PTPRG: variants seen among roughly 807,000 people sequenced by gnomAD.
PTPRG encodes the protein receptor-type tyrosine-protein phosphatase gamma.
PTPRG carries 102 observed loss-of-function variants against 165.3 expected under a neutral mutation model. The ratio of observed to expected loss-of-function variants is 0.62; its 90% confidence interval spans 0.53 to 0.73. PTPRG has a LOEUF of 0.73. PTPRG is among the 30% of genes least tolerant of loss of function. PTPRG has a pLI of 0.00. For missense variants in PTPRG, 1,866 were observed against 1,861.4 expected (o/e 1.00, Z -0.05); for synonymous variants, 675 against 669.5 (o/e 1.01, Z -0.13).
chr3:62,014,848 A>G (rs1416957074), intron 4 of PTPRG, among the ~76,000 whole-genome samples: 1 of 152,168 alleles, frequency 6.6e-6, no homozygotes, highest in Admixed American at 6.5e-5. Flanking sequence ...GCCCCAGCAT[A>G]TTTTCTGGAT....
chr3:61,732,001 A>G (rs1237548656), intron 1 of PTPRG, among the ~76,000 whole-genome samples: 2 of 151,720 alleles, frequency 1.3e-5, no homozygotes, highest in Non-Finnish European at 2.9e-5. Flanking sequence ...GGGGGAGTTC[A>G]CCATGTTGGC....
chr3:62,153,449 G>A (rs768851858), intron 6 of PTPRG, among the ~76,000 whole-genome samples: 20 of 152,172 alleles, frequency 1.3e-4, no homozygotes, highest in Non-Finnish European at 2.5e-4. Context: ...CAGTTAATTC[G>A]AAGCCCATAC....
chr3:61,838,489 A>C (rs2036533306), intron 2 of PTPRG, among the ~76,000 whole-genome samples: 1 of 152,192 alleles, frequency 6.6e-6, no homozygotes, highest in South Asian at 2.1e-4. Context: ...GAGTGCCCAC[A>C]ATGTGATATT....
chr3:62,256,804 T>C (rs1307174890), intron 16 of PTPRG, among the ~76,000 whole-genome samples: 1 of 152,196 alleles, frequency 6.6e-6, no homozygotes, highest in East Asian at 1.9e-4. Flanking sequence ...TTTGACACCA[T>C]TTAATTATTC....
intron 1 of PTPRG, among the ~76,000 whole-genome samples, chr3:61,594,777 G>A (rs914214027): frequency 6.6e-6 from 1 of 152,084 alleles, no homozygotes. Context: ...TAATAATCTG[G>A]CAGTCCTGCT....
intron 2 of PTPRG, among the ~76,000 whole-genome samples, chr3:61,764,674 G>T (rs1395456987): frequency 6.6e-6 from 1 of 152,120 alleles, no homozygotes; most frequent in Non-Finnish European, 1.5e-5. Flanking sequence ...AGGGAAGCGG[G>T]GGAGATAATA....
chr3:62,042,360 G>T (rs895433021), intron 4 of PTPRG, among the ~76,000 whole-genome samples: 2 of 152,184 alleles, frequency 1.3e-5, no homozygotes, highest in African/African-American at 4.8e-5. Context: ...GTGTCCCAGT[G>T]TCCATATTTT....
chr3:61,888,810 T>A (rs1466216552), intron 2 of PTPRG, among the ~76,000 whole-genome samples: 1 of 152,230 alleles, frequency 6.6e-6, no homozygotes, highest in Non-Finnish European at 1.5e-5. Flanking sequence ...TGTTGTCATG[T>A]CTTTTTAGTC....
chr3:61,854,689 G>A (rs527633533), intron 2 of PTPRG, among the ~76,000 whole-genome samples: 7 of 152,244 alleles, frequency 4.6e-5, no homozygotes, highest in Non-Finnish European at 8.8e-5. Flanking sequence ...GTCTTTTCCC[G>A]TAAGAAGAGC....
intron 1 of PTPRG, among the ~76,000 whole-genome samples, chr3:61,722,403 G>C (rs999295938): frequency 1.3e-5 from 2 of 152,142 alleles, no homozygotes; most frequent in African/African-American, 4.8e-5. Context: ...TGAACTTTGG[G>C]GGATACATTC....
In PTPRG at chr3:62,000,367, A is replaced by G. The variant is rs1235881612; in HGVS notation, c.371-2982A>G. 1.3e-5 allele frequency among the ~76,000 whole-genome samples: 2 copies of G among 151,958 alleles called. 1 individual carries two copies. Among genetic ancestry groups the G allele is most frequent in the Non-Finnish European group, 2.9e-5 (2 of 68,004 alleles). ...TGTTTCTGCCTGTATATTCTTACCC[A>G]GGGCAGACTTCGGTGCCAGATTACA... On this transcript the variant is annotated intron_variant, in intron 3 of 29. Coordinates refer to ENST00000474889, the MANE Select transcript of PTPRG (RefSeq NM_002841.4).
chr3:61,885,751 G>A (rs532357925), intron 2 of PTPRG, among the ~76,000 whole-genome samples: 2 of 93,274 alleles, frequency 2.1e-5, no homozygotes, highest in East Asian at 3.1e-4. Context: ...TGGCACTATC[G>A]TAGCTCTCTA....
intron 2 of PTPRG, among the ~76,000 whole-genome samples, chr3:61,947,508 G>A (rs181895873): frequency 1.4e-4 from 21 of 152,276 alleles, no homozygotes; most frequent in Admixed American, 1.1e-3. Flanking sequence ...TTTGGAGGTT[G>A]CCCAGATGGA....
At chr3:62,000,977 A>C (rs2041160325) in intron 3 of PTPRG, among the ~76,000 whole-genome samples, 1 of 151,678 alleles carries the variant, frequency 6.6e-6, no homozygotes, top group Non-Finnish European at 1.5e-5. Flanking sequence ...TGAGGCACAG[A>C]GAAGTTGGGT....
intron 2 of PTPRG, among the ~76,000 whole-genome samples, chr3:61,921,994 A>T (rs1363844230): frequency 1.3e-5 from 2 of 152,218 alleles, no homozygotes. Context: ...TGTATCAAGC[A>T]TGACCCTAGA....
chr3:62,286,619 A>ATCTT (rs1702672974), intron 28 of PTPRG, among the ~76,000 whole-genome samples: 1 of 152,130 alleles, frequency 6.6e-6, no homozygotes, highest in Admixed American at 6.6e-5. Flanking sequence ...CTTTTGTAAA[A>ATCTT]TCTTTGAAGT....
intron 1 of PTPRG, among the ~76,000 whole-genome samples, chr3:61,605,834 A>G (rs913993061): frequency 1.3e-5 from 2 of 152,118 alleles, no homozygotes; most frequent in Non-Finnish European, 2.9e-5. Flanking sequence ...TCACTTCTCA[A>G]AGCAGTGGGA....
rs1194860625 is a variant in PTPRG, at chr3:62,203,032, C to A, written c.1378-141C>A. On this transcript the variant is annotated intron_variant, in intron 11 of 29. Transcript: ENST00000474889. The surrounding 1 kb of genome is among the most constrained non-coding windows in gnomAD (Gnocchi z 6.4). ...CACCTAATGTCAACTTTATGCCATA[C>A]ATTGGAAAACTCCATAGCATAGATG... The A allele has an allele frequency of 3.6e-6, 5 of 1,389,098 alleles. No individual in the cohort carries two copies. The South Asian group carries it at 8.3e-5, about 23-fold the overall frequency. The allele number at this position is 1,389,098 out of a possible 1,614,324, so 86.0% of individuals were successfully genotyped here. A position where few individuals can be genotyped will look rare whatever the true frequency, so the allele number is the denominator to read the frequency against.
chr3:62,149,930 C>T (rs1408897619), intron 6 of PTPRG, among the ~76,000 whole-genome samples: 1 of 152,234 alleles, frequency 6.6e-6, no homozygotes, highest in Non-Finnish European at 1.5e-5. Flanking sequence ...CTGCTTACTT[C>T]ACTCCAACCA....
Sources: allele counts gnomAD v4.1 joint callset (sites outside exome capture counted in the v4.1 genomes callset), GRCh38; gene constraint gnomAD v4.1.1; non-coding constraint Gnocchi (gnomAD v3.1); transcripts MANE v1.5; gene names NCBI Gene and HGNC (gene_info 2026-07-23, HGNC 2026-07-21).